Variants in OR1J2 observed in about 807,000 individuals in gnomAD.
The protein encoded by OR1J2 is olfactory receptor family 1 subfamily J member 2.
For missense variants in OR1J2, 304 were observed against 246.1 expected (o/e 1.24, Z -1.57); for synonymous variants, 142 against 99.7 (o/e 1.42, Z -2.52).
At chr9:122,536,148 A>G in the OR1J2 span, among the ~76,000 whole-genome samples, 1 of 152,206 alleles carries the variant, frequency 6.6e-6, no homozygotes, top group Non-Finnish European at 1.5e-5. Context: ...GAGGCCTGAC[A>G]GTATTAGTAT....
At chr9:122,523,203 C>G in the OR1J2 span, among the ~76,000 whole-genome samples, 2 of 152,000 alleles carry the variant, frequency 1.3e-5, no homozygotes, top group Non-Finnish European at 2.9e-5. Flanking sequence ...CAGAGTGGGC[C>G]AGGGCACTGA....
the OR1J2 span, among the ~76,000 whole-genome samples, chr9:122,546,428 C>T: frequency 6.6e-6 from 1 of 152,114 alleles, no homozygotes; most frequent in Admixed American, 6.6e-5. Flanking sequence ...AAGCAGCTTC[C>T]GCCTTGGTCT....
chr9:122,544,168 T>A, the OR1J2 span, among the ~76,000 whole-genome samples: 1 of 151,992 alleles, frequency 6.6e-6, no homozygotes, highest in South Asian at 2.1e-4. Context: ...ATTAAAATTT[T>A]ACTTAGATTA....
the OR1J2 span, among the ~76,000 whole-genome samples, chr9:122,466,198 T>G: frequency 1.3e-5 from 2 of 152,088 alleles, no homozygotes; most frequent in African/African-American, 4.8e-5. Flanking sequence ...TGACAGAGCC[T>G]GAAGCACAGT....
the OR1J2 span, among the ~76,000 whole-genome samples, chr9:122,535,241 T>C: frequency 2.0e-5 from 3 of 151,584 alleles, no homozygotes; most frequent in South Asian, 4.2e-4. Flanking sequence ...GGGATCGGGG[T>C]GCAGAGATAA....
At chr9:122,577,753 A>G in the OR1J2 span, among the ~76,000 whole-genome samples, 2 of 152,204 alleles carry the variant, frequency 1.3e-5, no homozygotes, top group Non-Finnish European at 2.9e-5. Flanking sequence ...CACTTTAAGA[A>G]ATTTATCCAA....
chr9:122,549,920 A>T, the OR1J2 span, among the ~76,000 whole-genome samples: 1 of 152,082 alleles, frequency 6.6e-6, no homozygotes, highest in South Asian at 2.1e-4. Flanking sequence ...TTTGATAGGA[A>T]TTGCATTGAA....
upstream of OR1J2, among the ~76,000 whole-genome samples, chr9:122,508,307 G>T (rs1046013001): frequency 1.3e-5 from 2 of 152,130 alleles, no homozygotes; most frequent in Admixed American, 1.3e-4. Flanking sequence ...GTATGTTAGG[G>T]TGGGGATGTC....
At chr9:122,527,958 A>G in the OR1J2 span, among the ~76,000 whole-genome samples, 9 of 152,186 alleles carry the variant, frequency 5.9e-5, no homozygotes, top group Non-Finnish European at 1.0e-4. Flanking sequence ...TTACCCTTAT[A>G]TAAGAAAACT....
the OR1J2 span, among the ~76,000 whole-genome samples, chr9:122,518,232 A>C: frequency 6.6e-6 from 1 of 152,186 alleles, no homozygotes; most frequent in Admixed American, 6.5e-5. Context: ...TCCTGATTTT[A>C]ATGGAAATGC....
chr9:122,461,555 A>G, the OR1J2 span, among the ~76,000 whole-genome samples: 1 of 152,126 alleles, frequency 6.6e-6, no homozygotes, highest in African/African-American at 2.4e-5. Context: ...TAGGCATTTA[A>G]TGCTATAAAC....
At chr9:122,470,931 A>G in the OR1J2 span, among the ~76,000 whole-genome samples, 41 of 152,060 alleles carry the variant, frequency 2.7e-4, no homozygotes, top group African/African-American at 9.9e-4. Context: ...TCTACCCAAT[A>G]CCTGTACCCC....
At chr9:122,521,941 T>C in the OR1J2 span, among the ~76,000 whole-genome samples, 1 of 152,330 alleles carries the variant, frequency 6.6e-6, no homozygotes. Context: ...CACTTGTCTG[T>C]TGGGAAGTGT....
At chr9:122,476,799 G>A in the OR1J2 span, among the ~76,000 whole-genome samples, 11 of 152,086 alleles carry the variant, frequency 7.2e-5, no homozygotes, top group African/African-American at 1.7e-4. Context: ...TCCGCCTCCT[G>A]GGTTCAAGTG....
chr9:122,524,561 G>A, the OR1J2 span, among the ~76,000 whole-genome samples: 1 of 152,160 alleles, frequency 6.6e-6, no homozygotes, highest in African/African-American at 2.4e-5. Flanking sequence ...GTAAACTGAA[G>A]TGGACACCCA....
the OR1J2 span, chr9:122,554,004 C>T: frequency 6.2e-7 from 1 of 1,613,796 alleles, no homozygotes; most frequent in Non-Finnish European, 8.5e-7. Flanking sequence ...GTATTTACTT[C>T]CTCCATCAAC....
chr9:122,560,055 T>C, the OR1J2 span, among the ~76,000 whole-genome samples: 1 of 152,230 alleles, frequency 6.6e-6, no homozygotes, highest in East Asian at 1.9e-4. Context: ...GCTCTTCCTG[T>C]TGCATTGTTC....
chr9:122,481,871 T>A, the OR1J2 span, among the ~76,000 whole-genome samples: 31 of 152,212 alleles, frequency 2.0e-4, no homozygotes, highest in African/African-American at 7.2e-4. Flanking sequence ...TGTAAGAGGA[T>A]TAAGGACTTA....
chr9:122,567,784 T>G, the OR1J2 span: 2 of 1,613,900 alleles, frequency 1.2e-6, no homozygotes, highest in African/African-American at 2.7e-5. Flanking sequence ...TTCCCAGAAG[T>G]AGAGGGAATC....
Sources: allele counts gnomAD v4.1 joint callset (sites outside exome capture counted in the v4.1 genomes callset), GRCh38; gene constraint gnomAD v4.1.1; transcripts MANE v1.5; gene names NCBI Gene and HGNC (gene_info 2026-07-23, HGNC 2026-07-21).